The following MAMDC2 variants were observed in gnomAD, a reference collection of about 807,000 sequenced individuals.
MAMDC2 encodes the protein MAM domain-containing protein 2.
MAMDC2 carries 57 observed loss-of-function variants against 89.8 expected under a neutral mutation model. The ratio of observed to expected loss-of-function variants is 0.63; its 90% CI spans 0.51 to 0.79. MAMDC2 has a LOEUF of 0.79. Among genes scored for constraint, MAMDC2 ranks in the 30% least tolerant of loss-of-function variants. MAMDC2 has a pLI of 0.00. For synonymous variants in MAMDC2, 313 were observed against 293.4 expected (o/e 1.07, Z -0.68); for missense variants, 800 against 820.6 (o/e 0.97, Z 0.31).
intron 5 of MAMDC2, among the ~76,000 whole-genome samples, chr9:70,124,345 T>TA (rs1296624861): frequency 2.6e-5 from 4 of 152,226 alleles, no homozygotes; most frequent in African/African-American, 7.2e-5. Context: ...CTCATACACT[T>TA]AATCTGGCTG....
At chr9:70,143,852 T>A in intron 9 of MAMDC2, 33 bp downstream of exon 9, 1 of 1,604,158 alleles carries the variant, frequency 6.2e-7, no homozygotes, top group Non-Finnish European at 8.5e-7. Flanking sequence ...TGTGTCCATG[T>A]TCAGTTGCTG....
intron 2 of MAMDC2, among the ~76,000 whole-genome samples, chr9:70,098,531 G>A (rs1308731627): frequency 6.6e-6 from 1 of 152,144 alleles, no homozygotes; most frequent in Non-Finnish European, 1.5e-5. Context: ...CACTGCAGTA[G>A]AAAAATTAAT....
intron 2 of MAMDC2, among the ~76,000 whole-genome samples, chr9:70,099,948 C>G (rs1828123785): frequency 6.9e-6 from 1 of 143,920 alleles, no homozygotes; most frequent in Non-Finnish European, 1.5e-5. Context: ...GCACTCCCGT[C>G]TGGGTGACAG....
intron 11 of MAMDC2, among the ~76,000 whole-genome samples, chr9:70,216,667 C>T (rs541425743): frequency 1.3e-5 from 2 of 152,314 alleles, no homozygotes; most frequent in South Asian, 2.1e-4. Context: ...TCTTTGTGTA[C>T]TTTTCAAATA....
chr9:70,044,265 G>A (rs1826676996), intron 1 of MAMDC2, 34 bp downstream of exon 1: 1 of 1,606,848 alleles, frequency 6.2e-7, no homozygotes, highest in Non-Finnish European at 8.5e-7. Context: ...CCCCGGGGGC[G>A]CTCTGACGAC....
At chr9:70,190,591 T>C (rs1012684542) in intron 11 of MAMDC2, among the ~76,000 whole-genome samples, 1 of 151,486 alleles carries the variant, frequency 6.6e-6, no homozygotes, top group Non-Finnish European at 1.5e-5. Flanking sequence ...TGTGTACAGC[T>C]CTTTATATTT....
intron 12 of MAMDC2, among the ~76,000 whole-genome samples, chr9:70,219,508 T>G (rs756412280): frequency 1.1e-4 from 16 of 152,230 alleles, no homozygotes; most frequent in Non-Finnish European, 2.1e-4. Context: ...TGGGAAGGGA[T>G]ATCCAAATTA....
At chr9:70,121,376 G>C (rs2118315606) in intron 5 of MAMDC2, among the ~76,000 whole-genome samples, 1 of 152,310 alleles carries the variant, frequency 6.6e-6, no homozygotes, top group South Asian at 2.1e-4. Context: ...ACTGAGAACT[G>C]TGATCTTTCT....
chr9:70,190,850 T>C (rs563151961), intron 11 of MAMDC2, among the ~76,000 whole-genome samples: 25 of 152,272 alleles, frequency 1.6e-4, no homozygotes, highest in African/African-American at 5.8e-4. Context: ...AGGCAAGCCC[T>C]GAGAATGAAG....
At chr9:70,055,727 T>G (rs1827011662) in intron 2 of MAMDC2, among the ~76,000 whole-genome samples, 1 of 152,212 alleles carries the variant, frequency 6.6e-6, no homozygotes. Context: ...GATTAGAGTT[T>G]GCTCTTGGAA....
Position 70,140,279 on chromosome 9 carries a change from A to G in MAMDC2, c.1129A>G (p.Thr377Ala). Residue 377 changes from threonine to alanine, a missense_variant, in exon 8 of 14, where the codon ACA becomes GCA. Thr to Ala is a moderately conservative substitution (Grantham distance 58). Transcript: ENST00000377182. ...PNMYRAGDHT[T>A]GLGYYLLANT... Reference sequence around the variant, plus strand: ...CATGTATCGGGCTGGAGACCACACTACAGGCTTAGGTAAATCAGAGATCTG... The same window carrying G: ...CATGTATCGGGCTGGAGACCACACTGCAGGCTTAGGTAAATCAGAGATCTG... The G allele has an allele frequency of 6.2e-7, 1 of 1,600,560 alleles. No individual in the cohort carries two copies. The highest frequency in any genetic ancestry group is 1.1e-5 in the South Asian group (1 of 88,036).
intron 5 of MAMDC2, among the ~76,000 whole-genome samples, chr9:70,122,858 T>C (rs2030348199): frequency 6.6e-6 from 1 of 152,138 alleles, no homozygotes. Context: ...ACCTGACCCC[T>C]GAGGAAGAGG....
chr9:70,195,701 T>A (rs2032962894), intron 11 of MAMDC2, among the ~76,000 whole-genome samples: 1 of 152,058 alleles, frequency 6.6e-6, no homozygotes, highest in South Asian at 2.1e-4. Context: ...CATTATCAGA[T>A]GTTCTGGTAC....
intron 5 of MAMDC2, among the ~76,000 whole-genome samples, chr9:70,122,824 G>A (rs1001147387): frequency 2.0e-5 from 3 of 152,132 alleles, no homozygotes; most frequent in Admixed American, 2.0e-4. Flanking sequence ...CCTGGGTAGG[G>A]AAAACTTTCA....
At chr9:70,083,433 G>C (rs979971005) in intron 2 of MAMDC2, 6 of 151,946 alleles carry the variant, frequency 3.9e-5, no homozygotes, top group African/African-American at 4.8e-5. Flanking sequence ...AAGCAATTAA[G>C]GGATCCATAG....
rs896712574 is a variant in MAMDC2 at position 70,126,563 on chromosome 9, C to T, written c.900+148C>T. Reference sequence around the variant, plus strand: ...AACTGTATTCTTTCTCATCCTCAGCCCCTCTCCTGCTCTCCCTTCCTCTGT... The same window carrying T: ...AACTGTATTCTTTCTCATCCTCAGCTCCTCTCCTGCTCTCCCTTCCTCTGT... On this transcript the variant is annotated intron_variant, in intron 6 of 13. Coordinates refer to ENST00000377182, the MANE Select transcript of MAMDC2 (RefSeq NM_153267.5). The T allele has an allele frequency of 8.6e-6, 7 of 811,492 alleles. No individual in the cohort carries two copies. The African/African-American group carries it at 1.2e-4, about 14-fold the overall frequency. The allele number at this position is 811,492 out of a possible 1,614,324, so 50.3% of individuals were successfully genotyped here. A position where few individuals can be genotyped will look rare whatever the true frequency, so the allele number is the denominator to read the frequency against.
chr9:70,053,475 G>C (rs1826958991), intron 2 of MAMDC2, among the ~76,000 whole-genome samples: 1 of 152,162 alleles, frequency 6.6e-6, no homozygotes, highest in African/African-American at 2.4e-5. Flanking sequence ...CACTCCATAG[G>C]GTTCACAGTC....
intron 11 of MAMDC2, among the ~76,000 whole-genome samples, chr9:70,173,820 T>G (rs1472707306): frequency 1.3e-5 from 2 of 152,178 alleles, no homozygotes; most frequent in Admixed American, 6.5e-5. Flanking sequence ...CCCAGGAACT[T>G]AGGGCATCAG....
chr9:70,172,709 TG>T (rs781082537), intron 11 of MAMDC2: 9 of 152,798 alleles, frequency 5.9e-5, no homozygotes, highest in Non-Finnish European at 1.3e-4. Flanking sequence ...GTCCTACTGC[TG>T]ACCTCTTTTC....
Sources: allele counts gnomAD v4.1 joint callset (sites outside exome capture counted in the v4.1 genomes callset), GRCh38; gene constraint gnomAD v4.1.1; transcripts MANE v1.5; gene names NCBI Gene and HGNC (gene_info 2026-07-23, HGNC 2026-07-21).